Variants in BFSP1 observed in about 807,000 individuals in gnomAD.
BFSP1 encodes beaded filament structural protein 1, also known as filensin.
A neutral mutation model predicts 43.9 loss-of-function variants in BFSP1; 38 were observed. The ratio of observed to expected loss-of-function variants is 0.87; its 90% confidence interval spans 0.67 to 1.14. The LOEUF (loss-of-function observed/expected upper bound fraction) is 1.14. Among genes scored for constraint, BFSP1 ranks in the 50% most tolerant of loss-of-function variants. The pLI is 0.00. For synonymous variants in BFSP1, 352 were observed against 354.8 expected, an observed-to-expected ratio of 0.99 and a Z score of 0.09; for missense variants, 850 against 875.1, an observed-to-expected ratio of 0.97 and a Z score of 0.36.
intron 1 of BFSP1, among the ~76,000 whole-genome samples, chr20:17,529,090 T>TGAGA (rs1555803750): frequency 3.3e-5 from 5 of 151,496 alleles, no homozygotes; most frequent in African/African-American, 1.2e-4. Context: ...TGTGTGTGTG[T>TGAGA]GAGACAGAGT....
chr20:17,557,346 G>T (rs2035009212), intron 1 of BFSP1, among the ~76,000 whole-genome samples: 1 of 152,206 alleles, frequency 6.6e-6, no homozygotes, highest in South Asian at 2.1e-4. Context: ...GCGCCTCATT[G>T]CATATCCCTT....
At chr20:17,541,283 T>A (rs1157286288) in intron 1 of BFSP1, 1 of 982,606 alleles carries the variant, frequency 1.0e-6, no homozygotes, top group African/African-American at 1.7e-5. Flanking sequence ...AGGTTTGTCA[T>A]GAAACTCTTA....
Position 17,542,469 on chromosome 20 carries a change from T to C in BFSP1, c.2+16219A>G, listed in dbSNP as rs528004285. ...AAAAAATTCACCAGGTGTGGTGCCA[T>C]GCACCTGTAGTCTCTGCTACTCAGG... On this transcript the variant is annotated intron_variant, in intron 1 of 7. Transcript: ENST00000377868. Among the ~76,000 whole-genome samples the C allele has an allele frequency of 6.0e-4, 90 of 149,770 alleles. 3 individuals are homozygous for C. Among genetic ancestry groups the C allele is most frequent in the Admixed American group, 5.3e-3 (80 of 15,048 alleles).
upstream of BFSP1, among the ~76,000 whole-genome samples, chr20:17,536,291 C>T (rs1232855219): frequency 6.6e-6 from 1 of 152,086 alleles, no homozygotes; most frequent in Non-Finnish European, 1.5e-5. Context: ...TGGCTCATAC[C>T]TACAATCCCA....
chr20:17,508,752 A>C, intron 5 of BFSP1, 137 bp downstream of exon 5: 1 of 873,472 alleles, frequency 1.1e-6, no homozygotes, highest in Non-Finnish European at 1.7e-6. Context: ...ACCCACTCAG[A>C]AAACCCCGTT....
At position 17,494,251 on chromosome 20, in the gene BFSP1, G is replaced by A. The variant is rs1255192013; in HGVS notation, c.1821C>T (p.Ser607=). The part of the protein sequence containing the change: ...GAEVLGTRSR[S]LPEKGPPKAL... ...CCTTGGGAGGGCCTTTTTCTGGCAG[G>A]CTTCTGCTCCTAGTCCCAAGCACCT... Residue 607 remains serine, a synonymous_variant, in exon 8 of 8, where the codon AGC becomes AGT. Coordinates refer to ENST00000377873, the MANE Select transcript of BFSP1 (RefSeq NM_001195.5). 8 of 1,614,098 alleles carry A rather than the reference G, an allele frequency of 5.0e-6. No homozygotes were observed. The highest frequency in any genetic ancestry group is 6.8e-6 in the Non-Finnish European group (8 of 1,180,028).
In BFSP1 at chr20:17,496,856, A is replaced by G. The variant is rs184010852; in HGVS notation, c.1042+82T>C. Reference sequence around the variant, plus strand: ...ATTTCCAGATGGATCTGAAGCAAGCATGAATGTTAAAGTCAGGAAGAGAGC... The same window carrying G: ...ATTTCCAGATGGATCTGAAGCAAGCGTGAATGTTAAAGTCAGGAAGAGAGC... On this transcript the variant is annotated intron_variant, in intron 7 of 7. Coordinates refer to ENST00000377873, the MANE Select transcript of BFSP1 (RefSeq NM_001195.5). 13,598 of 1,209,466 alleles carry G rather than the reference A, an allele frequency of 0.011. 101 individuals are homozygous for G. The highest frequency in any genetic ancestry group is 0.014 in the Non-Finnish European group (11,902 of 875,676). 74.9% of individuals were successfully genotyped at this position (1,209,466 alleles called of 1,614,324 possible).
chr20:17,506,504 C>T (rs1350519274), intron 5 of BFSP1, among the ~76,000 whole-genome samples: 1 of 151,402 alleles, frequency 6.6e-6, no homozygotes, highest in African/African-American at 2.4e-5. Context: ...ATTTTGATAA[C>T]TGTTTTAATA....
rs763006379 is a variant in BFSP1 at position 17,524,834 on chromosome 20, T to C, written c.438+14A>G. On this transcript the variant is annotated intron_variant, in intron 2 of 7. Transcript: ENST00000377873. ...TAATTAAGCTACGTAAACCCAAGGATGTGTTCCGCTCACCTTGTTAAGCCG... is the reference window on the plus strand; with the variant it reads ...TAATTAAGCTACGTAAACCCAAGGACGTGTTCCGCTCACCTTGTTAAGCCG... 8 of 1,613,122 alleles carry C rather than the reference T, an allele frequency of 5.0e-6. No homozygotes were observed. In the South Asian group the frequency reaches 8.8e-5, roughly 18 times the overall value.
chr20:17,497,101 T>C (rs2033653064), intron 6 of BFSP1, 78 bp from the exon 7 acceptor site: 8 of 1,220,898 alleles, frequency 6.6e-6, no homozygotes, highest in Non-Finnish European at 9.0e-6. Flanking sequence ...TGAGCAAAAA[T>C]GAAAAAAAAG....
At chr20:17,540,456 T>A (rs1319943493) in intron 1 of BFSP1, among the ~76,000 whole-genome samples, 1 of 152,074 alleles carries the variant, frequency 6.6e-6, no homozygotes, top group Non-Finnish European at 1.5e-5. Flanking sequence ...TAAAGTGGTC[T>A]TCAGTTCTAC....
exon 1 of BFSP1, chr20:17,558,774 T>G (rs1484339870): frequency 1.3e-6 from 2 of 1,539,226 alleles, no homozygotes; most frequent in Non-Finnish European, 1.8e-6. Flanking sequence ...CTGCCTGAGG[T>G]ACCCTGCCTA....
At chr20:17,520,143 C>A (rs1257705809) in intron 2 of BFSP1, among the ~76,000 whole-genome samples, 3 of 152,074 alleles carry the variant, frequency 2.0e-5, no homozygotes, top group African/African-American at 7.2e-5. Flanking sequence ...GCAAATACTC[C>A]AGCAGATGCC....
chr20:17,536,487 G>A (rs150718801), intron 1 of BFSP1, among the ~76,000 whole-genome samples: 227 of 152,294 alleles, frequency 1.5e-3, no homozygotes, highest in African/African-American at 5.3e-3. Context: ...AGCTGAGATT[G>A]CACCACTGCA....
chr20:17,510,886 T>C (rs976886631), intron 4 of BFSP1, among the ~76,000 whole-genome samples: 5 of 152,226 alleles, frequency 3.3e-5, no homozygotes, highest in Admixed American at 3.3e-4. Context: ...CCAAACCCTG[T>C]AGTAGCCTAC....
In BFSP1 at chr20:17,499,242, ATT is replaced by A. The variant is rs11339300; in HGVS notation, c.736-204_736-203del. Among the ~76,000 whole-genome samples, 33,517 of 129,634 alleles carry A rather than the reference ATT, an allele frequency of 0.26. 3,921 individuals carry two copies. Among genetic ancestry groups the A allele is most frequent in the Middle Eastern group, 0.28 (69 of 246 alleles). The allele number at this position is 129,634 out of a possible 152,430, so 85.0% of individuals were successfully genotyped here. ...AACTGAGCTCCTGTGTCCTTACACA[ATT>A]TTTTTTTTTTTTTTTTTTGATAGAG... On this transcript the variant is annotated intron_variant, in intron 5 of 7. Transcript: ENST00000377873.
At chr20:17,537,987 G>A (rs1202940849) in intron 1 of BFSP1, among the ~76,000 whole-genome samples, 1 of 151,298 alleles carries the variant, frequency 6.6e-6, no homozygotes, top group Admixed American at 6.6e-5. Flanking sequence ...CGGGCATGGT[G>A]GCACATGTCT....
intron 1 of BFSP1, among the ~76,000 whole-genome samples, chr20:17,539,229 G>T (rs1434131459): frequency 1.4e-5 from 2 of 141,058 alleles, no homozygotes; most frequent in Admixed American, 1.5e-4. Context: ...ACCCACCTCA[G>T]CTGCCAAACT....
chr20:17,495,139 T>G (rs1271137737), intron 7 of BFSP1, 110 bp from the exon 8 acceptor site: 1 of 1,035,450 alleles, frequency 9.7e-7, no homozygotes, highest in Non-Finnish European at 1.4e-6. Context: ...CCTATAGTAC[T>G]AGGGTGGGGC....
Sources: gnomAD v4.1 joint callset for allele counts (sites outside exome capture counted in the v4.1 genomes callset) on GRCh38, gnomAD v4.1.1 for gene constraint, MANE v1.5 for transcripts, NCBI Gene and HGNC (gene_info 2026-07-23, HGNC 2026-07-21) for gene names.